Variants in DNM1 observed in about 807,000 individuals in gnomAD.
DNM1 encodes dynamin-1.
Under a neutral mutation model 104.6 loss-of-function variants are expected in DNM1, and 29 were observed. That is an observed-to-expected ratio of 0.28 (90% CI 0.21 to 0.38). DNM1 has a LOEUF of 0.38. DNM1 is among the 10% of genes least tolerant of loss of function. The probability of loss-of-function intolerance (pLI) is 1.00; values close to 1 mark genes in which losing one functional copy is unlikely to be tolerated. For synonymous variants in DNM1, 445 were observed against 475.8 expected (o/e 0.94, Z 0.84); for missense variants, 640 against 1,189.4 (o/e 0.54, Z 6.79).
chr9:128,206,946 G>A (rs1834006803), intron 1 of DNM1, among the ~76,000 whole-genome samples: 1 of 152,128 alleles, frequency 6.6e-6, no homozygotes, highest in Non-Finnish European at 1.5e-5. Flanking sequence ...GCAGTGGGCA[G>A]GGGGTAGTGG....
chr9:128,234,038 G>T lies in DNM1; in HGVS notation c.1353G>T (p.Arg451=). The T allele has an allele frequency of 6.4e-7, 1 of 1,572,902 alleles. No individual in the cohort carries two copies. Among genetic ancestry groups the T allele is most frequent in the Non-Finnish European group, 8.6e-7 (1 of 1,159,896 alleles). The change falls in exon 11 of 22, where the codon CGG becomes CGT. Residue 451 remains arginine (R), a synonymous_variant. Transcript: ENST00000372923. ...QCTKKLQQYP[R]LREEMERIVT... is the part of the protein sequence containing the mutation. ...TTCCCCAGCTCCAGCAGTACCCGCG[G>T]CTACGGGAGGAGATGGAGCGCATCG...
chr9:128,222,926 G>T lies in DNM1; in HGVS notation c.1196+66G>T. The T allele has an allele frequency of 6.6e-7, 1 of 1,504,430 alleles. No homozygotes were observed. Among genetic ancestry groups the T allele is most frequent in the Non-Finnish European group, 9.2e-7 (1 of 1,084,008 alleles). The allele number at this position is 1,504,430 out of a possible 1,614,324, so 93.2% of individuals were successfully genotyped here. On this transcript the variant is annotated intron_variant, in intron 9 of 21. Coordinates refer to ENST00000372923, the MANE Select transcript of DNM1 (RefSeq NM_004408.4). The surrounding 1 kb of genome is among the most constrained non-coding windows in gnomAD (Gnocchi z 7.8). ...TAGGGGGTCTGGGACAGAGGCACAGGGAGTGATGAAGTGGGCCTCCCTCAG... is the reference window on the plus strand; with the variant it reads ...TAGGGGGTCTGGGACAGAGGCACAGTGAGTGATGAAGTGGGCCTCCCTCAG...
chr9:128,235,751 C>T (rs1434542499), intron 11 of DNM1, among the ~76,000 whole-genome samples: 1 of 152,100 alleles, frequency 6.6e-6, no homozygotes, highest in East Asian at 1.9e-4. Context: ...GCTCTGTCGC[C>T]CCTGCTAGGC....
chr9:128,237,264 TTC>T (rs1165349727), intron 11 of DNM1, among the ~76,000 whole-genome samples: 2 of 131,568 alleles, frequency 1.5e-5, no homozygotes, highest in African/African-American at 7.1e-5. Flanking sequence ...ATTATCCTTG[TTC>T]TTTTTTTTTT....
At chr9:128,242,560 G>A (rs1239523626) in intron 15 of DNM1, among the ~76,000 whole-genome samples, 1 of 152,156 alleles carries the variant, frequency 6.6e-6, no homozygotes, top group Non-Finnish European at 1.5e-5. Context: ...AGGAGTCCGA[G>A]ACCAGCCCGG....
chr9:128,253,204 G>A lies in DNM1; in HGVS notation c.2535-1450G>A, dbSNP rs1829639145. ...TGCCCCGCTGCACTAGCTCCACACG[G>A]GGCGCGCACCTGGGACCTCAGAGCC... On this transcript the variant is annotated intron_variant, in intron 21 of 21. Transcript: ENST00000372923. This position sits in a 1 kb window ranked among gnomAD's most constrained non-coding sequence, Gnocchi z 5.9. 6.6e-7 allele frequency: 1 copy of A among 1,517,126 alleles called. No homozygotes were observed. Among genetic ancestry groups the A allele is most frequent in the African/African-American group, 1.4e-5 (1 of 73,338 alleles). 94.0% of individuals were successfully genotyped at this position (1,517,126 alleles called of 1,614,324 possible).
At chr9:128,216,049 G>A (rs936938415) in intron 1 of DNM1, among the ~76,000 whole-genome samples, 13 of 148,752 alleles carry the variant, frequency 8.7e-5, no homozygotes, top group African/African-American at 3.0e-4. Context: ...CCCTCCCTCT[G>A]TGCCGCCTGG....
rs982581884 is a variant in DNM1 at position 128,247,313 on chromosome 9, C to T, written c.1782-62C>T. The T allele has an allele frequency of 4.0e-6, 5 of 1,235,900 alleles. No homozygotes were observed. In the African/African-American group the frequency reaches 7.4e-5, roughly 18 times the overall value. The allele number at this position is 1,235,900 out of a possible 1,614,324, so 76.6% of individuals were successfully genotyped here. A position where few individuals can be genotyped will look rare whatever the true frequency, so the allele number is the denominator to read the frequency against. On this transcript the variant is annotated intron_variant, in intron 16 of 21. Coordinates refer to ENST00000372923, the MANE Select transcript of DNM1 (RefSeq NM_004408.4). This position sits in a 1 kb window ranked among gnomAD's most constrained non-coding sequence, Gnocchi z 5.1. ...GTTGACCCCAAAGTCTGGGCATGCC[C>T]TTAACCCCCAGGGAGGGTCAGACTT...
At chr9:128,237,775 GT>G (rs1290983573) in intron 11 of DNM1, among the ~76,000 whole-genome samples, 1 of 152,008 alleles carries the variant, frequency 6.6e-6, no homozygotes, top group Non-Finnish European at 1.5e-5. Flanking sequence ...TGCATTGTTT[GT>G]TTGTTTGTTT....
intron 11 of DNM1, among the ~76,000 whole-genome samples, chr9:128,237,397 G>T (rs1836082477): frequency 6.6e-6 from 1 of 152,030 alleles, no homozygotes; most frequent in Non-Finnish European, 1.5e-5. Context: ...AAGTAGCTGG[G>T]ACCACAGGTG....
chr9:128,218,845 A>G lies in DNM1; in HGVS notation c.385+114A>G. On this transcript the variant is annotated intron_variant, in intron 3 of 21. Coordinates refer to ENST00000372923, the MANE Select transcript of DNM1 (RefSeq NM_004408.4). The surrounding 1 kb of genome is among the most constrained non-coding windows in gnomAD (Gnocchi z 4.8). ...CCTAGAATGACCCTGCCTCTGCATCATCCTATTCCAAGCTCCACCCTGCCG... is the reference window on the plus strand; with the variant it reads ...CCTAGAATGACCCTGCCTCTGCATCGTCCTATTCCAAGCTCCACCCTGCCG... 1 of 1,398,210 alleles carries G rather than the reference A, an allele frequency of 7.2e-7. No individual in the cohort carries two copies. The highest frequency in any genetic ancestry group is 9.6e-7 in the Non-Finnish European group (1 of 1,047,004). The allele number at this position is 1,398,210 out of a possible 1,614,324, so 86.6% of individuals were successfully genotyped here. A position where few individuals can be genotyped will look rare whatever the true frequency, so the allele number is the denominator to read the frequency against.
At chr9:128,214,148 C>T (rs1834468892) in intron 1 of DNM1, among the ~76,000 whole-genome samples, 1 of 152,160 alleles carries the variant, frequency 6.6e-6, no homozygotes, top group Admixed American at 6.5e-5. Context: ...CCAGGAAACC[C>T]ACCGTCCAAC....
chr9:128,242,050 T>C lies in DNM1; in HGVS notation c.1558-182T>C, dbSNP rs867145345. On this transcript the variant is annotated intron_variant, in intron 14 of 21. Coordinates refer to ENST00000372923, the MANE Select transcript of DNM1 (RefSeq NM_004408.4). The stretch of plus-strand genomic sequence containing the variant: ...TCCTGAGCTGATCTCTGCCTTCCTC[T>C]GTCTTCCACTCTGTTCACTTGTGGT... 1.2e-4 allele frequency among the ~76,000 whole-genome samples: 18 copies of C among 152,306 alleles called. No homozygotes were observed. The Middle Eastern group carries it at 0.014, about 116-fold the overall frequency.
In DNM1 at chr9:128,232,189, C is replaced by T. The variant is rs889165734; in HGVS notation, c.1336-1832C>T. On this transcript the variant is annotated intron_variant, in intron 10 of 21. Coordinates refer to ENST00000372923, the MANE Select transcript of DNM1 (RefSeq NM_004408.4). ...CCCTCCTCCTCCCTCCTTCTCCCTG[C>T]TCCTCCAAACTCTACCCTGGGAGGG... 21 of 390,388 alleles carry T rather than the reference C, an allele frequency of 5.4e-5. No individual in the cohort carries two copies. The East Asian group carries it at 9.7e-4, about 18-fold the overall frequency. 24.2% of individuals were successfully genotyped at this position (390,388 alleles called of 1,614,324 possible).
In DNM1 at chr9:128,203,570, A is replaced by C; in HGVS notation, c.100A>C (p.Ile34Leu). ...GAACGCGGACCTCGACCTGCCGCAG[A>C]TCGCTGTGGTGGGCGGCCAGAGCGC... ...GQNADLDLPQ[I>L]AVVGGQSAGK... is the part of the protein sequence containing the mutation. Residue 34 changes from isoleucine to leucine, a missense_variant, in exon 1 of 22, where the codon ATC becomes CTC. This residue lies in a region of DNM1 where 172 missense variants were observed against 335.3 expected (regional missense o/e 0.51). Coordinates refer to ENST00000372923, the MANE Select transcript of DNM1 (RefSeq NM_004408.4). This position sits in a 1 kb window ranked among gnomAD's most constrained non-coding sequence, Gnocchi z 5.3. The C allele has an allele frequency of 6.4e-7, 1 of 1,551,102 alleles. No homozygotes were observed. Among genetic ancestry groups the C allele is most frequent in the Non-Finnish European group, 8.7e-7 (1 of 1,152,026 alleles).
In DNM1 at chr9:128,247,465, C is replaced by T. The variant is rs1367619284; in HGVS notation, c.1872C>T (p.Gly624=). ...GGAAGGCCTCCTTCCTGAGGGCTGGCGTGTACCCTGAGCGTGTTGGGGTGA... is the reference window on the plus strand; with the variant it reads ...GGAAGGCCTCCTTCCTGAGGGCTGGTGTGTACCCTGAGCGTGTTGGGGTGA... ...DSWKASFLRA[G]VYPERVGDKE... Residue 624 remains glycine (G), a synonymous_variant, in exon 17 of 22, where the codon GGC becomes GGT. Coordinates refer to ENST00000372923, the MANE Select transcript of DNM1 (RefSeq NM_004408.4). The surrounding 1 kb of genome is among the most constrained non-coding windows in gnomAD (Gnocchi z 5.1). 3 of 1,613,076 alleles carry T rather than the reference C, an allele frequency of 1.9e-6. No homozygotes were observed. Among genetic ancestry groups the T allele is most frequent in the Non-Finnish European group, 2.5e-6 (3 of 1,179,308 alleles).
Position 128,250,656 on chromosome 9 carries a change from G to A in DNM1, c.2319-69G>A, listed in dbSNP as rs114569685. ...TGGGCGTGGCCAGCACTGGGCTGGG[G>A]CGGGGCCTCTGGGTGGGCGGAGCTG... On this transcript the variant is annotated intron_variant, in intron 20 of 21. Transcript: ENST00000372923. 1.1e-3 allele frequency: 1,451 copies of A among 1,299,402 alleles called. 9 individuals are homozygous for A. In the African/African-American group the frequency reaches 0.02, roughly 18 times the overall value. The allele number at this position is 1,299,402 out of a possible 1,614,324, so 80.5% of individuals were successfully genotyped here.
chr9:128,227,139 G>A (rs1172530386), intron 10 of DNM1, among the ~76,000 whole-genome samples: 4 of 146,010 alleles, frequency 2.7e-5, no homozygotes, highest in Admixed American at 7.0e-5. Flanking sequence ...TCAGCCTCCC[G>A]GGTGGCTGGG....
intron 13 of DNM1, 80 bp downstream of exon 13, chr9:128,239,859 G>A (rs556006692): frequency 1.9e-6 from 3 of 1,575,788 alleles, no homozygotes; most frequent in Non-Finnish European, 2.6e-6. Context: ...CCTCCCCTGA[G>A]GGGAAGGGTC....
Sources: gnomAD v4.1 joint callset for allele counts (sites outside exome capture counted in the v4.1 genomes callset) on GRCh38, gnomAD v4.1.1 for gene constraint, gnomAD v4.1.1 regional missense constraint, Gnocchi (gnomAD v3.1) non-coding constraint, MANE v1.5 for transcripts, NCBI Gene and HGNC (gene_info 2026-07-23, HGNC 2026-07-21) for gene names.